TMEM117: variants seen among roughly 807,000 people sequenced by gnomAD.
The protein encoded by TMEM117 is transmembrane protein 117.
A neutral mutation model predicts 52.4 loss-of-function variants in TMEM117; 27 were observed. The ratio of observed to expected loss-of-function variants is 0.51; its 90% CI spans 0.38 to 0.71. The LOEUF (loss-of-function observed/expected upper bound fraction) is 0.71, where lower values mean the gene tolerates loss of function less well. Ranked by LOEUF, TMEM117 falls within the 30% of genes least tolerant of loss-of-function variation. TMEM117 has a pLI of 0.00. For missense variants in TMEM117, 556 were observed against 630.5 expected, an observed-to-expected ratio of 0.88 and a Z score of 1.26; for synonymous variants, 215 against 206.3, an observed-to-expected ratio of 1.04 and a Z score of -0.36.
At chr12:44,129,748 TAGTC>T (rs1296290658) in intron 3 of TMEM117, among the ~76,000 whole-genome samples, 2 of 152,172 alleles carry the variant, frequency 1.3e-5, no homozygotes, top group African/African-American at 2.4e-5. Flanking sequence ...CCAAGAAGCT[TAGTC>T]AGTTAGAATG....
intron 3 of TMEM117, among the ~76,000 whole-genome samples, chr12:44,107,028 C>G (rs529016565): frequency 6.6e-6 from 1 of 152,098 alleles, no homozygotes; most frequent in South Asian, 2.1e-4. Context: ...GGCTGTCCGT[C>G]AATAAAGTTG....
At chr12:44,152,422 ATATT>A (rs1368606046) in intron 4 of TMEM117, among the ~76,000 whole-genome samples, 4 of 115,472 alleles carry the variant, frequency 3.5e-5, no homozygotes, top group East Asian at 2.9e-4. Context: ...ATAAATTTCT[ATATT>A]TATATATTAT....
intron 3 of TMEM117, among the ~76,000 whole-genome samples, chr12:44,062,535 G>A (rs1017117481): frequency 3.9e-5 from 6 of 152,210 alleles, no homozygotes; most frequent in Non-Finnish European, 1.5e-5. Flanking sequence ...AACTGGTTTA[G>A]AATGTTGCTG....
Position 44,349,697 on chromosome 12 carries a change from T to C in TMEM117, c.769-26898T>C, listed in dbSNP as rs188811823. The stretch of plus-strand genomic sequence containing the variant: ...TCCCTGAGGGCTTAACCTGTCAACT[T>C]TTCCCAGTTTAGGAAAGTGCAGCTG... On this transcript the variant is annotated intron_variant, in intron 6 of 7. Transcript: ENST00000266534. Among the ~76,000 whole-genome samples, 251 of 152,146 alleles carry C rather than the reference T, an allele frequency of 1.6e-3. 2 individuals are homozygous for C. Among genetic ancestry groups the C allele is most frequent in the African/African-American group, 5.8e-3 (242 of 41,556 alleles).
At chr12:43,960,820 T>G (rs1197272279) in intron 3 of TMEM117, among the ~76,000 whole-genome samples, 1 of 152,172 alleles carries the variant, frequency 6.6e-6, no homozygotes, top group Non-Finnish European at 1.5e-5. Context: ...AGTTGTTATA[T>G]CATTTATAAT....
At chr12:44,295,286 C>T (rs1031456672) in intron 5 of TMEM117, among the ~76,000 whole-genome samples, 1 of 152,158 alleles carries the variant, frequency 6.6e-6, no homozygotes, top group South Asian at 2.1e-4. Flanking sequence ...TCACTGCAAC[C>T]TTTGCCTCCT....
chr12:44,215,402 C>A (rs959516012), intron 5 of TMEM117, among the ~76,000 whole-genome samples: 1 of 152,094 alleles, frequency 6.6e-6, no homozygotes, highest in African/African-American at 2.4e-5. Context: ...TAAATAGTGG[C>A]AATATTTGAA....
rs369643046 is a variant in TMEM117 at position 44,331,084 on chromosome 12, G to T, written c.768+31345G>T. Among the ~76,000 whole-genome samples, 38 of 151,642 alleles carry T rather than the reference G, an allele frequency of 2.5e-4. No homozygotes were observed. The South Asian group carries it at 6.0e-3, about 24-fold the overall frequency. ...TGTAGAATCACAACATTTATGATTT[G>T]GTCAATTTCTGTGTGGAGGTGACCA... On this transcript the variant is annotated intron_variant, in intron 6 of 7. Transcript: ENST00000266534.
At chr12:43,944,473 T>C in intron 3 of TMEM117, 131 bp downstream of exon 3, 6 of 875,424 alleles carry the variant, frequency 6.9e-6, no homozygotes, top group Non-Finnish European at 1.0e-5. Flanking sequence ...AGGAGTATTT[T>C]ATGTATTTTT....
At chr12:44,302,476 C>T (rs1269180743) in intron 6 of TMEM117, among the ~76,000 whole-genome samples, 1 of 152,340 alleles carries the variant, frequency 6.6e-6, no homozygotes, top group East Asian at 1.9e-4. Flanking sequence ...CATTTGGATC[C>T]TACCATTGGA....
At chr12:44,128,311 C>G (rs117202434) in intron 3 of TMEM117, among the ~76,000 whole-genome samples, 2 of 152,206 alleles carry the variant, frequency 1.3e-5, no homozygotes, top group African/African-American at 4.8e-5. Flanking sequence ...CTTCTCTCTG[C>G]CCCCTTCTCT....
chr12:44,096,664 T>C (rs1208304877), intron 3 of TMEM117, among the ~76,000 whole-genome samples: 3 of 151,966 alleles, frequency 2.0e-5, no homozygotes, highest in African/African-American at 7.3e-5. Context: ...TAGCCATATG[T>C]AGAAAGCTGA....
At chr12:43,912,112 G>A (rs1944514186) in intron 2 of TMEM117, among the ~76,000 whole-genome samples, 1 of 149,792 alleles carries the variant, frequency 6.7e-6, no homozygotes, top group South Asian at 2.2e-4. Context: ...ATCCAACAAC[G>A]ATAGACTGGA....
At chr12:44,398,217 A>G in the TMEM117 span, among the ~76,000 whole-genome samples, 43,512 of 151,736 alleles carry the variant, frequency 0.29, 10,278 homozygotes, top group African/African-American at 0.65. Flanking sequence ...GCCCAATTCC[A>G]CTGCAGGTTC....
chr12:44,180,218 A>G (rs1949173086), intron 4 of TMEM117, among the ~76,000 whole-genome samples: 2 of 152,016 alleles, frequency 1.3e-5, no homozygotes, highest in South Asian at 4.1e-4. Context: ...TGTGATCACC[A>G]TCACCATCAT....
chr12:43,969,852 C>T (rs1405284402), intron 3 of TMEM117, among the ~76,000 whole-genome samples: 4 of 152,144 alleles, frequency 2.6e-5, no homozygotes, highest in African/African-American at 9.7e-5. Context: ...CCTGGAAATA[C>T]TGTATTTCCT....
At chr12:44,240,494 G>A (rs1380247695) in intron 5 of TMEM117, among the ~76,000 whole-genome samples, 1 of 151,980 alleles carries the variant, frequency 6.6e-6, no homozygotes, top group Non-Finnish European at 1.5e-5. Context: ...AACAATTGGT[G>A]GTCTTTGCTA....
At chr12:44,173,198 C>T (rs768206320) in intron 4 of TMEM117, among the ~76,000 whole-genome samples, 9 of 152,224 alleles carry the variant, frequency 5.9e-5, no homozygotes, top group Non-Finnish European at 1.2e-4. Context: ...ACCTCGCCCT[C>T]CCACGTAGTG....
chr12:43,837,385 G>A (rs1943049597), intron 1 of TMEM117, among the ~76,000 whole-genome samples: 1 of 151,678 alleles, frequency 6.6e-6, no homozygotes, highest in Admixed American at 6.6e-5. Flanking sequence ...GGGCTCTGTC[G>A]CTCAGGCTGG....
Sources: gnomAD v4.1 joint callset for allele counts (sites outside exome capture counted in the v4.1 genomes callset) on GRCh38, gnomAD v4.1.1 for gene constraint, MANE v1.5 for transcripts, NCBI Gene and HGNC (gene_info 2026-07-23, HGNC 2026-07-21) for gene names.